The following PIP5K1A variants were observed in gnomAD, a reference collection of about 807,000 sequenced individuals.
PIP5K1A encodes phosphatidylinositol 4-phosphate 5-kinase type-1 alpha.
PIP5K1A carries 46 observed loss-of-function variants against 72.9 expected under a neutral mutation model. The ratio of observed to expected loss-of-function variants is 0.63; its 90% confidence interval spans 0.50 to 0.81. The LOEUF (loss-of-function observed/expected upper bound fraction) is 0.81. PIP5K1A is among the 30% of genes least tolerant of loss of function. The pLI, the probability that PIP5K1A is intolerant of heterozygous loss-of-function variation, is 0.00. For missense variants in PIP5K1A, 458 were observed against 706.1 expected (o/e 0.65, Z 3.98); for synonymous variants, 228 against 255.1 (o/e 0.89, Z 1.01).
At position 151,234,212 on chromosome 1, in the gene PIP5K1A, C is replaced by A; in HGVS notation, c.655C>A (p.Pro219Thr). The A allele has an allele frequency of 6.2e-7, 1 of 1,603,358 alleles. No individual in the cohort carries two copies. Among genetic ancestry groups the A allele is most frequent in the Non-Finnish European group, 8.5e-7 (1 of 1,172,280 alleles). The change falls in exon 8 of 16, where the codon CCT becomes ACT. Residue 219 changes from proline (P) to threonine (T), a missense_variant. Pro to Thr is a conservative substitution (Grantham distance 38). Coordinates refer to ENST00000368888, the MANE Select transcript of PIP5K1A (RefSeq NM_001135638.2). ...PGYYMNLNQN[P>T]RTLLPKFYGL... ...GTGTTCTCAGAACCTCAACCAGAAC[C>A]CTCGGACTTTGCTGCCTAAATTCTA... is the stretch of plus-strand genomic sequence containing the variant.
At position 151,249,447 on chromosome 1, in the gene PIP5K1A, CTACTT is replaced by C. The variant is rs2101819745; in HGVS notation, c.*1584_*1588del. 1 of 152,194 alleles carries C rather than the reference CTACTT, an allele frequency of 6.6e-6. No individual in the cohort carries two copies. The highest frequency in any genetic ancestry group is 1.9e-4 in the East Asian group (1 of 5,186). The allele number at this position is 152,194 out of a possible 1,614,324, so 9.4% of individuals were successfully genotyped here. On this transcript the variant is annotated 3_prime_UTR_variant, in exon 16 of 16. Transcript: ENST00000368888. ...TTTTATTAAGTGTTACTATTTGCCT[CTACTT>C]TGTATTGTTCAGAAATGGCAAATAC...
At chr1:151,231,934 T>C (rs1690135458) in intron 5 of PIP5K1A, 133 bp downstream of exon 5, 2 of 826,286 alleles carry the variant, frequency 2.4e-6, no homozygotes, top group African/African-American at 1.7e-5. Context: ...ATCAGGGCGA[T>C]GTGGGACTAG....
chr1:151,232,234 G>C lies in PIP5K1A; in HGVS notation c.369-14G>C. 6.3e-7 allele frequency: 1 copy of C among 1,576,526 alleles called. No homozygotes were observed. Among genetic ancestry groups the C allele is most frequent in the Non-Finnish European group, 8.7e-7 (1 of 1,145,790 alleles). ...GGACTGGCAAGTTATGGCTACCTCT[G>C]TTTAACCCCACAGTGAAGGGAGCAA... On this transcript the variant is annotated splice_polypyrimidine_tract_variant and intron_variant, in intron 5 of 15. Coordinates refer to ENST00000368888, the MANE Select transcript of PIP5K1A (RefSeq NM_001135638.2).
intron 11 of PIP5K1A, among the ~76,000 whole-genome samples, 169 bp downstream of exon 11, chr1:151,239,347 G>A (rs1299123417): frequency 2.0e-5 from 3 of 147,462 alleles, no homozygotes; most frequent in Admixed American, 6.9e-5. Context: ...ATCTCGGCTC[G>A]CTGCAACCTC....
At chr1:151,229,423 G>A (rs1304815290) in intron 4 of PIP5K1A, among the ~76,000 whole-genome samples, 13 of 149,354 alleles carry the variant, frequency 8.7e-5, no homozygotes, top group South Asian at 8.5e-4. Flanking sequence ...GTGCAATGGC[G>A]TGATCTCCAC....
chr1:151,195,744 C>CA (rs746536371), upstream of PIP5K1A, among the ~76,000 whole-genome samples: 8 of 151,318 alleles, frequency 5.3e-5, no homozygotes, highest in Non-Finnish European at 1.2e-4. Flanking sequence ...CAGACTCTGT[C>CA]TCAAAAATAA....
chr1:151,239,871 G>T, intron 11 of PIP5K1A, 84 bp from the exon 12 acceptor site: 1 of 926,484 alleles, frequency 1.1e-6, no homozygotes. Flanking sequence ...TCTGCTAGGG[G>T]CTCAGTCTGG....
intron 1 of PIP5K1A, among the ~76,000 whole-genome samples, chr1:151,221,361 A>G (rs753023388): frequency 6.6e-6 from 1 of 152,210 alleles, no homozygotes; most frequent in Non-Finnish European, 1.5e-5. Flanking sequence ...GATGTATTAA[A>G]ATTGAGCCAG....
At chr1:151,232,428 C>G (rs190182666) in intron 6 of PIP5K1A, 63 bp downstream of exon 6, 1 of 1,470,944 alleles carries the variant, frequency 6.8e-7, no homozygotes, top group East Asian at 2.3e-5. Context: ...CAAAGGAAGG[C>G]CCCTTTTCTC....
At chr1:151,244,560 G>A (rs587714460) in intron 14 of PIP5K1A, among the ~76,000 whole-genome samples, 63 of 152,322 alleles carry the variant, frequency 4.1e-4, no homozygotes, top group African/African-American at 1.3e-3. Flanking sequence ...GGAGGCTGAG[G>A]CAGGAGGATC....
rs749850177 is a variant in PIP5K1A at position 151,234,403 on chromosome 1, A to C, written c.846A>C (p.Lys282Asn). The C allele has an allele frequency of 1.9e-6, 3 of 1,614,040 alleles. No individual in the cohort carries two copies. In the South Asian group the frequency reaches 3.3e-5, roughly 18 times the overall value. ...KEREKPLPTF[K>N]DLDFLQDIPD... ...GAGAGAAGCCTCTTCCCACATTTAA[A>C]GACCTAGACTTCTTACAAGACATCC... The change falls in exon 8 of 16, where the codon AAA becomes AAC. Residue 282 changes from lysine to asparagine, a missense_variant. Lys to Asn is a moderately conservative substitution (Grantham distance 94). Coordinates refer to ENST00000368888, the MANE Select transcript of PIP5K1A (RefSeq NM_001135638.2).
Position 151,238,198 on chromosome 1 carries a change from GC to G in PIP5K1A, c.1165del (p.Arg389GlyfsTer67), listed in dbSNP as rs1438135641. ...ETDDHMGGIP[A>X]RNSKGERLLL... ...CTTTTCCAGTATGGGTGGCATCCCT[GC>G]CCGGAATAGTAAAGGGGAAAGGCTT... is the stretch of plus-strand genomic sequence containing the variant. On this transcript the variant is annotated frameshift_variant, in exon 10 of 16. Coordinates refer to ENST00000368888, the MANE Select transcript of PIP5K1A (RefSeq NM_001135638.2). LOFTEE classifies it high-confidence loss of function. The G allele has an allele frequency of 6.2e-7, 1 of 1,612,200 alleles. No homozygotes were observed. The highest frequency in any genetic ancestry group is 1.1e-5 in the South Asian group (1 of 91,036).
intron 9 of PIP5K1A, among the ~76,000 whole-genome samples, chr1:151,237,708 T>A (rs367603565): frequency 6.6e-6 from 1 of 152,196 alleles, no homozygotes; most frequent in African/African-American, 2.4e-5. Context: ...GGCATCCTTC[T>A]TCATCATGCC....
At chr1:151,219,731 C>G (rs1688138236) in intron 1 of PIP5K1A, among the ~76,000 whole-genome samples, 1 of 151,446 alleles carries the variant, frequency 6.6e-6, no homozygotes, top group African/African-American at 2.4e-5. Flanking sequence ...AGGCCTTGTG[C>G]GGTGGCTCAT....
At chr1:151,215,210 G>A (rs375204009) in intron 1 of PIP5K1A, among the ~76,000 whole-genome samples, 8 of 150,808 alleles carry the variant, frequency 5.3e-5, no homozygotes, top group East Asian at 2.0e-4. Context: ...GGTTTTTTTT[G>A]TATTTTTAGT....
chr1:151,223,316 C>A (rs1688653844), intron 1 of PIP5K1A, among the ~76,000 whole-genome samples: 1 of 146,074 alleles, frequency 6.8e-6, no homozygotes, highest in Admixed American at 7.0e-5. Flanking sequence ...CGCTGTTGCA[C>A]TCCAGCCTCG....
chr1:151,215,461 G>A (rs907212551), intron 1 of PIP5K1A, among the ~76,000 whole-genome samples: 1 of 151,952 alleles, frequency 6.6e-6, no homozygotes, highest in Admixed American at 6.6e-5. Context: ...CTCCTGAGAA[G>A]CTGGGATTAC....
chr1:151,243,327 CA>C (rs1167316600), intron 14 of PIP5K1A, among the ~76,000 whole-genome samples: 1 of 152,188 alleles, frequency 6.6e-6, no homozygotes, highest in Non-Finnish European at 1.5e-5. Flanking sequence ...ATGAGCCCCC[CA>C]GGTATAGTTC....
intron 4 of PIP5K1A, among the ~76,000 whole-genome samples, chr1:151,229,212 G>C (rs751328603): frequency 1.4e-5 from 2 of 145,380 alleles, no homozygotes; most frequent in Non-Finnish European, 3.0e-5. Flanking sequence ...AAAGAAATAG[G>C]ATCTTGCTCT....
Sources: gnomAD v4.1 joint callset for allele counts (sites outside exome capture counted in the v4.1 genomes callset) on GRCh38, gnomAD v4.1.1 for gene constraint, MANE v1.5 for transcripts, NCBI Gene and HGNC (gene_info 2026-07-23, HGNC 2026-07-21) for gene names.